Variants in GBE1 observed in about 807,000 individuals in gnomAD.
The protein encoded by GBE1 is 1,4-alpha-glucan-branching enzyme.
Under a neutral mutation model 88.8 loss-of-function variants are expected in GBE1, and 70 were observed. The ratio of observed to expected loss-of-function variants is 0.79; its 90% CI spans 0.65 to 0.96. The LOEUF is 0.96. Among genes scored for constraint, GBE1 ranks in the 40% least tolerant of loss-of-function variants. The pLI, the probability that GBE1 is intolerant of heterozygous loss-of-function variation, is 0.00. For missense variants in GBE1, 872 were observed against 871.0 expected (o/e 1.00, Z -0.01); for synonymous variants, 284 against 300.1 (o/e 0.95, Z 0.56).
At chr3:81,681,903 T>G (rs1705350354) in intron 2 of GBE1, among the ~76,000 whole-genome samples, 1 of 152,108 alleles carries the variant, frequency 6.6e-6, no homozygotes, top group African/African-American at 2.4e-5. Flanking sequence ...AAAGTACAAG[T>G]AGCAAATGAA....
chr3:81,507,320 T>C (rs1410383677), intron 14 of GBE1, among the ~76,000 whole-genome samples: 1 of 152,082 alleles, frequency 6.6e-6, no homozygotes, highest in African/African-American at 2.4e-5. Context: ...ATTCCAGCAC[T>C]TTGGGAGGCC....
chr3:81,508,422 T>C (rs1404970343), intron 14 of GBE1, among the ~76,000 whole-genome samples: 1 of 152,082 alleles, frequency 6.6e-6, no homozygotes, highest in African/African-American at 2.4e-5. Flanking sequence ...AATTCAATTA[T>C]CTGATGAAGC....
intron 1 of GBE1, among the ~76,000 whole-genome samples, chr3:81,752,497 G>A (rs1706544016): frequency 6.6e-6 from 1 of 152,154 alleles, no homozygotes; most frequent in Non-Finnish European, 1.5e-5. Context: ...GAAAAAGACA[G>A]AAAAGGAAGA....
At chr3:81,559,725 T>C (rs368484490) in intron 12 of GBE1, among the ~76,000 whole-genome samples, 16 of 141,544 alleles carry the variant, frequency 1.1e-4, no homozygotes, top group East Asian at 6.6e-4. Flanking sequence ...GTGCTCTGCC[T>C]GTATCAAGCA....
At chr3:81,495,442 T>C (rs1702489350) in intron 15 of GBE1, among the ~76,000 whole-genome samples, 1 of 152,128 alleles carries the variant, frequency 6.6e-6, no homozygotes, top group Admixed American at 6.6e-5. Context: ...TCTTTCATAG[T>C]CTACATAAAC....
chr3:81,735,536 C>T (rs1240630501), intron 1 of GBE1, among the ~76,000 whole-genome samples: 2 of 152,126 alleles, frequency 1.3e-5, no homozygotes, highest in African/African-American at 4.8e-5. Flanking sequence ...GGACCCATGG[C>T]GATGCGGATG....
At chr3:81,491,391 C>T (rs2169368) in intron 15 of GBE1, among the ~76,000 whole-genome samples, 147,693 of 152,274 alleles carry the variant, frequency 0.97, 71,797 homozygotes, top group East Asian at 1. Flanking sequence ...TATTTCTAAC[C>T]CTCAGTTGGT....
intron 12 of GBE1, among the ~76,000 whole-genome samples, chr3:81,563,818 A>T (rs1328689456): frequency 8.5e-6 from 1 of 117,106 alleles, no homozygotes; most frequent in African/African-American, 4.0e-5. Flanking sequence ...CTAACAATGG[A>T]GCTGGAGAGG....
intron 3 of GBE1, among the ~76,000 whole-genome samples, chr3:81,665,483 C>CTTG: frequency 6.6e-6 from 1 of 150,950 alleles, no homozygotes; most frequent in African/African-American, 2.4e-5. Context: ...TTGCAGTGAG[C>CTTG]CGAGATTGCG....
intron 12 of GBE1, among the ~76,000 whole-genome samples, chr3:81,550,991 T>C (rs1377084811): frequency 6.6e-6 from 1 of 152,190 alleles, no homozygotes; most frequent in Non-Finnish European, 1.5e-5. Flanking sequence ...AAGAACCCTC[T>C]CTTGGGGTCT....
chr3:81,621,584 C>G (rs1704334212), intron 7 of GBE1, among the ~76,000 whole-genome samples: 3 of 152,264 alleles, frequency 2.0e-5, no homozygotes, highest in Admixed American at 6.5e-5. Context: ...GAAAATTACT[C>G]CTAACCACAT....
intron 2 of GBE1, among the ~76,000 whole-genome samples, chr3:81,678,719 T>C (rs1315480282): frequency 6.6e-6 from 1 of 152,126 alleles, no homozygotes; most frequent in Non-Finnish European, 1.5e-5. Flanking sequence ...ACTCATTATA[T>C]TTTGACTACA....
chr3:81,690,901 C>T (rs1705510164), intron 2 of GBE1, among the ~76,000 whole-genome samples: 1 of 151,882 alleles, frequency 6.6e-6, no homozygotes, highest in Non-Finnish European at 1.5e-5. Flanking sequence ...ATGATTAAGT[C>T]CTACTAACAC....
intron 1 of GBE1, among the ~76,000 whole-genome samples, chr3:81,750,605 A>ATATG (rs1264473070): frequency 1.4e-4 from 5 of 35,538 alleles, no homozygotes; most frequent in East Asian, 5.7e-3. Context: ...ATATATGTGT[A>ATATG]TATATATATA....
In GBE1 at chr3:81,489,939, C is replaced by T. The variant is rs750772386; in HGVS notation, c.*468G>A. On this transcript the variant is annotated 3_prime_UTR_variant, in exon 16 of 16. Coordinates refer to ENST00000429644, the MANE Select transcript of GBE1 (RefSeq NM_000158.4). Reference sequence around the variant, plus strand: ...GCATATTTATTACAGTATTTCTAAACACAATTTGAAAAAAAGAAACAAAGA... The same window carrying T: ...GCATATTTATTACAGTATTTCTAAATACAATTTGAAAAAAAGAAACAAAGA... The T allele has an allele frequency of 7.0e-4, 109 of 156,176 alleles. No homozygotes were observed. Among genetic ancestry groups the T allele is most frequent in the Non-Finnish European group, 9.0e-4 (64 of 71,010 alleles). 9.7% of individuals were successfully genotyped at this position (156,176 alleles called of 1,614,324 possible).
intron 7 of GBE1, among the ~76,000 whole-genome samples, chr3:81,629,964 G>C (rs973734378): frequency 8.6e-5 from 13 of 150,418 alleles, no homozygotes; most frequent in African/African-American, 3.2e-4. Context: ...AGAACATGCA[G>C]TGTTTGGTTT....
chr3:81,665,492 C>A (rs955151131), intron 3 of GBE1, among the ~76,000 whole-genome samples: 5 of 150,010 alleles, frequency 3.3e-5, no homozygotes, highest in African/African-American at 2.5e-5. Context: ...GCCGAGATTG[C>A]GCCACTGCAC....
At chr3:81,610,171 A>C (rs1016069931) in intron 7 of GBE1, among the ~76,000 whole-genome samples, 1 of 152,150 alleles carries the variant, frequency 6.6e-6, no homozygotes, top group Non-Finnish European at 1.5e-5. Flanking sequence ...CACTGGTTCA[A>C]ATTTTGAGTT....
intron 7 of GBE1, among the ~76,000 whole-genome samples, chr3:81,640,205 C>A (rs1704651185): frequency 6.6e-6 from 1 of 151,432 alleles, no homozygotes; most frequent in Non-Finnish European, 1.5e-5. Flanking sequence ...CTGGATATGT[C>A]TGTAAGGGTG....
Sources: gnomAD v4.1 joint callset for allele counts (sites outside exome capture counted in the v4.1 genomes callset) on GRCh38, gnomAD v4.1.1 for gene constraint, MANE v1.5 for transcripts, NCBI Gene and HGNC (gene_info 2026-07-23, HGNC 2026-07-21) for gene names.